Variants in TP63 observed in about 807,000 individuals in gnomAD.
TP63 encodes tumor protein 63.
Under a neutral mutation model 82.8 loss-of-function variants are expected in TP63, and 17 were observed. That is an observed-to-expected ratio of 0.21 (90% CI 0.14 to 0.31). The LOEUF is 0.31. Ranked by LOEUF, TP63 falls within the 10% of genes least tolerant of loss-of-function variation. The probability of loss-of-function intolerance (pLI) is 1.00; values close to 1 mark genes in which losing one functional copy is unlikely to be tolerated. For missense variants in TP63, 648 were observed against 895.3 expected, an observed-to-expected ratio of 0.72 and a Z score of 3.52; for synonymous variants, 330 against 321.7, an observed-to-expected ratio of 1.03 and a Z score of -0.28.
chr3:189,857,768 A>G (rs1327723547), intron 4 of TP63, among the ~76,000 whole-genome samples: 4 of 152,200 alleles, frequency 2.6e-5, no homozygotes, highest in Non-Finnish European at 4.4e-5. Flanking sequence ...ATCACTAATC[A>G]GGGAAATGCA....
At chr3:189,600,115 T>A in the TP63 span, among the ~76,000 whole-genome samples, 1 of 152,332 alleles carries the variant, frequency 6.6e-6, no homozygotes, top group Non-Finnish European at 1.5e-5. Context: ...AATAATTTAC[T>A]TTTATATTAG....
chr3:189,642,720 G>A (rs763288442), intron 1 of TP63, among the ~76,000 whole-genome samples: 2 of 152,162 alleles, frequency 1.3e-5, no homozygotes, highest in African/African-American at 2.4e-5. Context: ...AATCGAAGCA[G>A]AGAGAGGCTG....
chr3:189,622,599 G>T, the TP63 span, among the ~76,000 whole-genome samples: 1 of 152,174 alleles, frequency 6.6e-6, no homozygotes, highest in African/African-American at 2.4e-5. Context: ...AAAGAGGAGA[G>T]ATCTTTGTTT....
intron 4 of TP63, among the ~76,000 whole-genome samples, chr3:189,821,917 C>G (rs1728833724): frequency 6.6e-6 from 1 of 152,106 alleles, no homozygotes; most frequent in Non-Finnish European, 1.5e-5. Context: ...TTAGCACATC[C>G]TGGCTCTTCT....
rs371668568 is a variant in TP63, at chr3:189,874,752, T to G, written c.1349+1757T>G. ...CATATTTAAGTGGAAAATGATTTAG[T>G]TCTTATAAAACCATACAACCAGGAT... On this transcript the variant is annotated intron_variant, in intron 10 of 13. Transcript: ENST00000264731. Among the ~76,000 whole-genome samples the G allele has an allele frequency of 4.6e-5, 7 of 152,152 alleles. No individual in the cohort carries two copies. In the East Asian group the frequency reaches 9.6e-4, roughly 21 times the overall value.
chr3:189,671,152 A>G (rs1258342511), intron 1 of TP63, among the ~76,000 whole-genome samples: 4 of 152,150 alleles, frequency 2.6e-5, no homozygotes, highest in African/African-American at 9.6e-5. Context: ...ATTAATATCC[A>G]GAATATACGA....
chr3:189,815,687 G>A (rs2378525), intron 4 of TP63, among the ~76,000 whole-genome samples: 14,812 of 152,012 alleles, frequency 0.097, 780 homozygotes, highest in East Asian at 0.17. Flanking sequence ...TCCTGTGCAA[G>A]GTGTTAATGG....
chr3:189,729,532 A>G (rs924232495), intron 1 of TP63, among the ~76,000 whole-genome samples: 1 of 152,212 alleles, frequency 6.6e-6, no homozygotes, highest in Admixed American at 6.5e-5. Context: ...GTTCAGTAAT[A>G]TATAAAAATA....
At chr3:189,775,303 C>T (rs753089261) in intron 3 of TP63, among the ~76,000 whole-genome samples, 2 of 150,910 alleles carry the variant, frequency 1.3e-5, no homozygotes, top group Admixed American at 6.6e-5. Context: ...TTTGCTGTTA[C>T]TGAGTCCACT....
At chr3:189,739,290 A>G (rs574413688) in intron 3 of TP63, among the ~76,000 whole-genome samples, 1 of 152,028 alleles carries the variant, frequency 6.6e-6, no homozygotes, top group East Asian at 1.9e-4. Context: ...TAATTTTTGT[A>G]TTTTTAGGAG....
intron 3 of TP63, among the ~76,000 whole-genome samples, chr3:189,767,087 C>T (rs184199060): frequency 6.6e-6 from 1 of 152,178 alleles, no homozygotes; most frequent in East Asian, 1.9e-4. Context: ...AAATCTTTCC[C>T]CATAACTTTT....
At chr3:189,738,474 C>G (rs1720756646) in intron 2 of TP63, among the ~76,000 whole-genome samples, 168 bp from the exon 3 acceptor site, 1 of 152,188 alleles carries the variant, frequency 6.6e-6, no homozygotes, top group South Asian at 2.1e-4. Flanking sequence ...CTTGAAATTA[C>G]ACATTTGATA....
intron 4 of TP63, among the ~76,000 whole-genome samples, chr3:189,844,665 G>A (rs756006356): frequency 3.3e-5 from 5 of 152,084 alleles, no homozygotes; most frequent in Non-Finnish European, 7.4e-5. Flanking sequence ...GAGTTTTTTT[G>A]TAGAGGACAA....
At chr3:189,626,456 GAC>G (rs1199936432), upstream of TP63, among the ~76,000 whole-genome samples, 2 of 152,152 alleles carry the variant, frequency 1.3e-5, no homozygotes, top group Non-Finnish European at 2.9e-5. Context: ...CAGTTACCCT[GAC>G]ACAAAGGAAT....
intron 1 of TP63, among the ~76,000 whole-genome samples, chr3:189,731,407 A>ACCAGT (rs774563000): frequency 6.6e-5 from 10 of 152,114 alleles, no homozygotes; most frequent in Non-Finnish European, 1.3e-4. Context: ...GAACCAGTGA[A>ACCAGT]CCAGTTCTTC....
In TP63 at chr3:189,765,746, T is replaced by G. The variant is rs114407888; in HGVS notation, c.324+26972T>G. Among the ~76,000 whole-genome samples, 1,029 of 152,228 alleles carry G rather than the reference T, an allele frequency of 6.8e-3. 12 individuals are homozygous for G. The highest frequency in any genetic ancestry group is 0.023 in the African/African-American group (961 of 41,536). Reference sequence around the variant, plus strand: ...CCGCGCCCGGCCTGTCCTCTGCATTTTTAAAGGAACAGCAGTTTGGTGAAA... The same window carrying G: ...CCGCGCCCGGCCTGTCCTCTGCATTGTTAAAGGAACAGCAGTTTGGTGAAA... On this transcript the variant is annotated intron_variant, in intron 3 of 13. Transcript: ENST00000264731.
chr3:189,880,703 T>A, intron 10 of TP63: 1 of 985,368 alleles, frequency 1.0e-6, no homozygotes, highest in Non-Finnish European at 1.2e-6. Context: ...ATATTGCAAG[T>A]AGTAAGAAAC....
At chr3:189,829,623 G>A (rs978575738) in intron 4 of TP63, among the ~76,000 whole-genome samples, 22 of 152,168 alleles carry the variant, frequency 1.4e-4, no homozygotes, top group Admixed American at 1.4e-3. Context: ...TGGAGGAGCA[G>A]GGTACTAAAA....
At chr3:189,751,530 T>G (rs1214502147) in intron 3 of TP63, among the ~76,000 whole-genome samples, 1 of 152,244 alleles carries the variant, frequency 6.6e-6, no homozygotes, top group Admixed American at 6.5e-5. Context: ...TGTGAGATGG[T>G]ATCTCATTGT....
Sources: allele counts gnomAD v4.1 joint callset (sites outside exome capture counted in the v4.1 genomes callset), GRCh38; gene constraint gnomAD v4.1.1; transcripts MANE v1.5; gene names NCBI Gene and HGNC (gene_info 2026-07-23, HGNC 2026-07-21).